RMND1: variants seen among roughly 807,000 people sequenced by gnomAD.
RMND1 encodes the protein required for meiotic nuclear division 1 homolog.
RMND1 carries 41 observed loss-of-function variants against 54.0 expected under a neutral mutation model. That is an observed-to-expected ratio of 0.76 (90% CI 0.59 to 0.98). The LOEUF is 0.98. Ranked by LOEUF, RMND1 falls within the 50% of genes least tolerant of loss-of-function variation. The pLI is 0.00. For missense variants in RMND1, 457 were observed against 532.0 expected, an observed-to-expected ratio of 0.86 and a Z score of 1.39; for synonymous variants, 183 against 181.7, an observed-to-expected ratio of 1.01 and a Z score of -0.06.
At chr6:151,441,076 A>G (rs887988316) in intron 2 of RMND1, among the ~76,000 whole-genome samples, 1 of 152,158 alleles carries the variant, frequency 6.6e-6, no homozygotes, top group Non-Finnish European at 1.5e-5. Flanking sequence ...AAAAACCCCA[A>G]ACCACTGTAT....
chr6:151,431,826 G>T lies in RMND1; in HGVS notation c.689+1329C>A, dbSNP rs142009441. Among the ~76,000 whole-genome samples, 740 of 152,090 alleles carry T rather than the reference G, an allele frequency of 4.9e-3. 5 individuals are homozygous for T. The highest frequency in any genetic ancestry group is 0.017 in the African/African-American group (709 of 41,510). ...AATTAATTTCATGTTAATATGTTAA[G>T]AAACATATTTGTGTTGTTCAAAATT... is the stretch of plus-strand genomic sequence containing the variant. On this transcript the variant is annotated intron_variant, in intron 4 of 11. Transcript: ENST00000444024.
intron 4 of RMND1, among the ~76,000 whole-genome samples, chr6:151,432,123 G>C (rs1486210962): frequency 1.3e-5 from 2 of 151,976 alleles, no homozygotes; most frequent in Non-Finnish European, 2.9e-5. Context: ...ATTTTTAGTA[G>C]AGACAGGGTT....
At chr6:151,405,617 C>T (rs1779587559) in intron 11 of RMND1, 103 bp downstream of exon 11, 1 of 676,130 alleles carries the variant, frequency 1.5e-6, no homozygotes, top group South Asian at 1.9e-5. Flanking sequence ...AAGTCAGCCT[C>T]TTTTCTGCTA....
intron 1 of RMND1, among the ~76,000 whole-genome samples, chr6:151,449,043 A>T (rs1281232163): frequency 7.0e-6 from 1 of 143,510 alleles, no homozygotes; most frequent in Non-Finnish European, 1.5e-5. Context: ...AATGAGCAAC[A>T]AAGCGAGACT....
In RMND1 at chr6:151,405,697, AGTAC is replaced by A. The variant is rs746218388; in HGVS notation, c.1317+19_1317+22del. 4.5e-5 allele frequency: 51 copies of A among 1,121,794 alleles called. No individual in the cohort carries two copies. Among genetic ancestry groups the A allele is most frequent in the Admixed American group, 8.6e-5 (5 of 57,932 alleles). The allele number at this position is 1,121,794 out of a possible 1,614,324, so 69.5% of individuals were successfully genotyped here. A position where few individuals can be genotyped will look rare whatever the true frequency, so the allele number is the denominator to read the frequency against. On this transcript the variant is annotated intron_variant, in intron 11 of 11. Coordinates refer to ENST00000444024, the MANE Select transcript of RMND1 (RefSeq NM_017909.4). ...TTGTGAAAAGATGGTAACTGATCATAGTACAGAGCATTTCCATCTTACCTCTATG... is the reference window on the plus strand; with the variant it reads ...TTGTGAAAAGATGGTAACTGATCATAAGAGCATTTCCATCTTACCTCTATG...
chr6:151,451,096 C>G (rs1781172695), intron 1 of RMND1, among the ~76,000 whole-genome samples: 2 of 151,636 alleles, frequency 1.3e-5, no homozygotes, highest in African/African-American at 4.8e-5. Flanking sequence ...CCTAGGAAAA[C>G]CAGAGACCTT....
chr6:151,405,392 G>A (rs1779577568), intron 11 of RMND1, 125 bp from the exon 12 acceptor site: 3 of 859,764 alleles, frequency 3.5e-6, no homozygotes, highest in East Asian at 2.7e-5. Context: ...CCTTTCTCAC[G>A]TGGCAACCTA....
At chr6:151,446,021 C>A in intron 1 of RMND1, 196 bp from the exon 2 acceptor site, 1 of 528,346 alleles carries the variant, frequency 1.9e-6, no homozygotes. Flanking sequence ...AACATTTGGC[C>A]TTCTTCCTGG....
At position 151,417,392 on chromosome 6, in the gene RMND1, T is replaced by A; in HGVS notation, c.1087A>T (p.Ile363Leu). The A allele has an allele frequency of 6.3e-7, 1 of 1,583,340 alleles. No homozygotes were observed. The highest frequency in any genetic ancestry group is 1.7e-4 in the Middle Eastern group (1 of 5,924). ...IGELFALRHRINLSSDFLITP... is the reference protein window; with the variant it reads ...IGELFALRHRLNLSSDFLITP... The stretch of plus-strand genomic sequence containing the variant: ...ATCAGGAAGTCTGAACTCAAGTTTA[T>A]ACGGTGCCTTTAAAAAGGAAAATTA... The change falls in exon 10 of 12, where the codon ATA becomes TTA. Residue 363 changes from isoleucine (I) to leucine (L), a missense_variant. Coordinates refer to ENST00000444024, the MANE Select transcript of RMND1 (RefSeq NM_017909.4).
chr6:151,448,105 C>T (rs1275709122), intron 1 of RMND1, among the ~76,000 whole-genome samples: 6 of 152,206 alleles, frequency 3.9e-5, no homozygotes, highest in South Asian at 2.1e-4. Flanking sequence ...CGTGAGCCAC[C>T]GGACCCAGCC....
At chr6:151,449,135 G>A (rs751937190) in intron 1 of RMND1, among the ~76,000 whole-genome samples, 1 of 146,822 alleles carries the variant, frequency 6.8e-6, no homozygotes, top group African/African-American at 2.5e-5. Flanking sequence ...TTGGGAGGCC[G>A]AGGCGGGTGA....
intron 6 of RMND1, 34 bp downstream of exon 6, chr6:151,427,448 G>T: frequency 2.4e-6 from 3 of 1,233,132 alleles, no homozygotes; most frequent in Non-Finnish European, 3.6e-6. Context: ...TATTCCAAGT[G>T]CCCCTTTCAT....
At chr6:151,432,791 G>A (rs1009980088) in intron 4 of RMND1, among the ~76,000 whole-genome samples, 3 of 152,084 alleles carry the variant, frequency 2.0e-5, no homozygotes, top group Admixed American at 6.6e-5. Context: ...ATGGCAAGAA[G>A]AGACAGCAGG....
chr6:151,419,354 C>T (rs116078537), intron 9 of RMND1, among the ~76,000 whole-genome samples: 1,946 of 151,982 alleles, frequency 0.013, 28 homozygotes, highest in African/African-American at 0.045. Context: ...TGTGAGCCAC[C>T]GTGCCTGGCC....
intron 10 of RMND1, chr6:151,416,487 G>A (rs180725237): frequency 4.4e-5 from 6 of 135,486 alleles, no homozygotes; most frequent in South Asian, 4.7e-4. Context: ...GCACTGGCTC[G>A]ACCTTGGCTC....
chr6:151,427,592 A>G lies in RMND1; in HGVS notation c.730-10T>C, dbSNP rs772192066. 3.9e-5 allele frequency: 60 copies of G among 1,546,366 alleles called. No homozygotes were observed. In the South Asian group the frequency reaches 6.6e-4, roughly 17 times the overall value. ...TCATCACATGCTTCATCTAGAAGAA[A>G]AGGAAGATTAATCTGAAATCATAAC... On this transcript the variant is annotated splice_polypyrimidine_tract_variant and intron_variant, in intron 5 of 11. Coordinates refer to ENST00000444024, the MANE Select transcript of RMND1 (RefSeq NM_017909.4).
At chr6:151,418,475 G>C (rs2114931743) in intron 9 of RMND1, 1 of 151,994 alleles carries the variant, frequency 6.6e-6, no homozygotes, top group Middle Eastern at 3.4e-3. Flanking sequence ...AATTTTTTTA[G>C]AGATAATGTC....
intron 9 of RMND1, among the ~76,000 whole-genome samples, chr6:151,419,818 C>T (rs990209050): frequency 5.9e-5 from 9 of 152,014 alleles, no homozygotes; most frequent in African/African-American, 1.9e-4. Context: ...AAGGACAGGC[C>T]TGTAGAGACA....
chr6:151,437,129 T>C (rs1344225534), intron 2 of RMND1, among the ~76,000 whole-genome samples: 1 of 152,228 alleles, frequency 6.6e-6, no homozygotes, highest in Non-Finnish European at 1.5e-5. Flanking sequence ...TTTGCACACA[T>C]GAGGAAAGTC....
Sources: allele counts gnomAD v4.1 joint callset (sites outside exome capture counted in the v4.1 genomes callset), GRCh38; gene constraint gnomAD v4.1.1; transcripts MANE v1.5; gene names NCBI Gene and HGNC (gene_info 2026-07-23, HGNC 2026-07-21).